The following MYL3 variants were observed in gnomAD, a reference collection of about 807,000 sequenced individuals.
The protein encoded by MYL3 is myosin light chain 3.
A neutral mutation model predicts 21.3 loss-of-function variants in MYL3; 11 were observed. That is an observed-to-expected ratio of 0.52 (90% CI 0.32 to 0.85). The LOEUF (loss-of-function observed/expected upper bound fraction) is 0.85. MYL3 is among the 40% of genes least tolerant of loss of function. The pLI is 0.03. For missense variants in MYL3, 206 were observed against 253.3 expected (o/e 0.81, Z 1.27); for synonymous variants, 88 against 91.6 (o/e 0.96, Z 0.22).
rs1437138778 is a variant in MYL3, at chr3:46,858,040, C to T, written c.*75G>A. ...CTCCCCTCCTTCCCACGACTCCAGG[C>T]CGCTGGTGTCAGCATCACACATGGG... On this transcript the variant is annotated 3_prime_UTR_variant, in exon 7 of 7. Coordinates refer to ENST00000292327, the MANE Select transcript of MYL3 (RefSeq NM_000258.3). 2 of 676,920 alleles carry T rather than the reference C, an allele frequency of 3.0e-6. No homozygotes were observed. The highest frequency in any genetic ancestry group is 4.0e-4 in the Middle Eastern group (1 of 2,530). The allele number at this position is 676,920 out of a possible 1,614,324, so 41.9% of individuals were successfully genotyped here.
chr3:46,867,728 G>T (rs1286911067), upstream of MYL3, among the ~76,000 whole-genome samples: 2 of 152,246 alleles, frequency 1.3e-5, no homozygotes, highest in Non-Finnish European at 2.9e-5. Context: ...TCCCGGAGGA[G>T]TCGAGAACAC....
intron 1 of MYL3, among the ~76,000 whole-genome samples, chr3:46,871,572 T>C (rs2029900029): frequency 6.6e-6 from 1 of 151,956 alleles, no homozygotes; most frequent in African/African-American, 2.4e-5. Flanking sequence ...GAGAGATGGT[T>C]GGGAGACAGG....
At chr3:46,866,095 T>G (rs1575499746), upstream of MYL3, among the ~76,000 whole-genome samples, 4 of 14,834 alleles carry the variant, frequency 2.7e-4, no homozygotes, top group Admixed American at 8.3e-4. Context: ...GGCAGGAAGG[T>G]GGGCAGGGAG....
intron 1 of MYL3, among the ~76,000 whole-genome samples, chr3:46,875,579 ATG>A (rs1478012058): frequency 6.6e-6 from 1 of 152,234 alleles, no homozygotes; most frequent in Non-Finnish European, 1.5e-5. Flanking sequence ...CCTCGTGGCC[ATG>A]GAAGGAACCC....
In MYL3 at chr3:46,858,241, G is replaced by A. The variant is rs748154150; in HGVS notation, c.*3C>T. ...GGAGTGGGTGCCTACCTGGGCACGAGGTTTAGCTGGACATGATGTGCTTCA... is the reference window on the plus strand; with the variant it reads ...GGAGTGGGTGCCTACCTGGGCACGAAGTTTAGCTGGACATGATGTGCTTCA... On this transcript the variant is annotated 3_prime_UTR_variant, in exon 6 of 7. Coordinates refer to ENST00000292327, the MANE Select transcript of MYL3 (RefSeq NM_000258.3). The A allele has an allele frequency of 9.3e-6, 15 of 1,614,070 alleles. No individual in the cohort carries two copies. The East Asian group carries it at 2.5e-4, about 26-fold the overall frequency.
upstream of MYL3, chr3:46,866,475 G>A (rs771437531): frequency 1.2e-4 from 19 of 152,364 alleles, no homozygotes; most frequent in Admixed American, 6.5e-4. Context: ...AGGAAAGCCC[G>A]GCCACGCCGG....
At chr3:46,865,193 C>T (rs1702036372), upstream of MYL3, among the ~76,000 whole-genome samples, 3 of 152,300 alleles carry the variant, frequency 2.0e-5, no homozygotes, top group Admixed American at 1.3e-4. The surrounding 1 kb of genome is among the most constrained non-coding windows in gnomAD (Gnocchi z 4.3). Flanking sequence ...GGGGCCAGCC[C>T]GCTCCTGACT....
At chr3:46,865,649 G>C (rs1056624909), upstream of MYL3, among the ~76,000 whole-genome samples, 5 of 152,198 alleles carry the variant, frequency 3.3e-5, no homozygotes, top group East Asian at 1.9e-4. This position sits in a 1 kb window ranked among gnomAD's most constrained non-coding sequence, Gnocchi z 4.3. Context: ...GGCCCAAATG[G>C]GGGTAAGCCA....
intron 6 of MYL3, 48 bp from the exon 7 acceptor site, chr3:46,858,149 C>T: frequency 6.8e-7 from 1 of 1,480,884 alleles, no homozygotes; most frequent in African/African-American, 1.4e-5. Flanking sequence ...GAGACGGAGG[C>T]AGCAGGATGT....
At chr3:46,872,226 G>A (rs922580229) in intron 1 of MYL3, among the ~76,000 whole-genome samples, 1 of 152,212 alleles carries the variant, frequency 6.6e-6, no homozygotes, top group African/African-American at 2.4e-5. Flanking sequence ...GACAACAGGG[G>A]AACAATTGGC....
At chr3:46,878,050 C>T (rs1222741242) in intron 1 of MYL3, among the ~76,000 whole-genome samples, 1 of 152,220 alleles carries the variant, frequency 6.6e-6, no homozygotes, top group Non-Finnish European at 1.5e-5. Context: ...GCCCATACCT[C>T]TAGCTCCTTG....
upstream of MYL3, chr3:46,863,523 G>A (rs2106915043): frequency 2.1e-6 from 2 of 948,464 alleles, no homozygotes; most frequent in Non-Finnish European, 3.2e-6. Context: ...TGCACAATAG[G>A]GACAGGGCCA....
At chr3:46,876,368 T>A (rs1366121694) in intron 1 of MYL3, among the ~76,000 whole-genome samples, 2 of 152,116 alleles carry the variant, frequency 1.3e-5, no homozygotes, top group African/African-American at 4.8e-5. Flanking sequence ...AGGGGAACTC[T>A]CCCTCCTTTG....
At chr3:46,863,650 G>C (rs971228340), upstream of MYL3, among the ~76,000 whole-genome samples, 1 of 152,126 alleles carries the variant, frequency 6.6e-6, no homozygotes, top group South Asian at 2.1e-4. Flanking sequence ...TGTTGGGAAG[G>C]GGGAGGGAGA....
chr3:46,864,267 G>A (rs998946318), upstream of MYL3, among the ~76,000 whole-genome samples: 19 of 152,032 alleles, frequency 1.2e-4, no homozygotes, highest in African/African-American at 4.6e-4. The surrounding 1 kb of genome is among the most constrained non-coding windows in gnomAD (Gnocchi z 4.7). Flanking sequence ...GTCTGGTCAT[G>A]GCAGGCAGCT....
chr3:46,876,621 G>T (rs2030233702), intron 1 of MYL3, among the ~76,000 whole-genome samples: 1 of 152,170 alleles, frequency 6.6e-6, no homozygotes, highest in African/African-American at 2.4e-5. Context: ...AAGTACTTTG[G>T]AAACTCTAAT....
chr3:46,868,172 C>A (rs1702067622), upstream of MYL3, among the ~76,000 whole-genome samples: 1 of 152,162 alleles, frequency 6.6e-6, no homozygotes, highest in South Asian at 2.1e-4. Flanking sequence ...CAACCCCGGG[C>A]CTTGAGAGAT....
At chr3:46,862,106 G>T (rs1382072044) in intron 1 of MYL3, among the ~76,000 whole-genome samples, 2 of 152,156 alleles carry the variant, frequency 1.3e-5, no homozygotes, top group African/African-American at 4.8e-5. Flanking sequence ...GCGCATGAGG[G>T]GTCTCATTGT....
intron 1 of MYL3, among the ~76,000 whole-genome samples, chr3:46,872,448 C>A (rs1364053017): frequency 1.3e-5 from 2 of 152,044 alleles, no homozygotes; most frequent in African/African-American, 4.8e-5. Flanking sequence ...CAAGACCCCC[C>A]CCCTCAGCCC....
Sources: gnomAD v4.1 joint callset for allele counts (sites outside exome capture counted in the v4.1 genomes callset) on GRCh38, gnomAD v4.1.1 for gene constraint, Gnocchi (gnomAD v3.1) non-coding constraint, MANE v1.5 for transcripts, NCBI Gene and HGNC (gene_info 2026-07-23, HGNC 2026-07-21) for gene names.